Variants in MICAL3 observed in about 807,000 individuals in gnomAD.
MICAL3 encodes [F-actin]-monooxygenase MICAL3.
MICAL3 carries 62 observed loss-of-function variants against 207.4 expected under a neutral mutation model. The observed-to-expected ratio is 0.30, with a 90% CI of 0.24 to 0.37. The LOEUF (loss-of-function observed/expected upper bound fraction) is 0.37, where lower values mean the gene tolerates loss of function less well. MICAL3 is among the 10% of genes least tolerant of loss of function. The pLI is 1.00. For missense variants in MICAL3, 2,368 were observed against 2,635.6 expected (o/e 0.90, Z 2.22); for synonymous variants, 1,077 against 1,069.3 (o/e 1.01, Z -0.14).
intron 1 of MICAL3, among the ~76,000 whole-genome samples, chr22:17,963,849 T>A (rs1431379235): frequency 1.3e-5 from 2 of 152,194 alleles, no homozygotes; most frequent in Non-Finnish European, 2.9e-5. Flanking sequence ...GGAGCCGCTT[T>A]ACCCATCAGG....
intron 1 of MICAL3, among the ~76,000 whole-genome samples, chr22:17,923,581 C>T (rs939718123): frequency 3.3e-5 from 5 of 152,246 alleles, no homozygotes; most frequent in African/African-American, 1.2e-4. Context: ...GGCCCAGTGG[C>T]AGTCTCAGGT....
chr22:17,904,000 A>G (rs1336914174), intron 3 of MICAL3, among the ~76,000 whole-genome samples: 1 of 152,226 alleles, frequency 6.6e-6, no homozygotes, highest in Non-Finnish European at 1.5e-5. Context: ...ACTTGTATTC[A>G]TACCCTGTAG....
At chr22:17,926,519 C>T (rs978713060) in intron 1 of MICAL3, among the ~76,000 whole-genome samples, 15 of 152,220 alleles carry the variant, frequency 9.9e-5, no homozygotes, top group African/African-American at 3.6e-4. Flanking sequence ...CCCTGGACAT[C>T]TCCATCAGAA....
chr22:18,017,999 C>T (rs961551935), intron 1 of MICAL3, among the ~76,000 whole-genome samples: 1 of 152,126 alleles, frequency 6.6e-6, no homozygotes, highest in African/African-American at 2.4e-5. Context: ...ATCCACCTGC[C>T]TCGGCCTCCC....
At chr22:18,006,657 A>G (rs1602392996) in intron 1 of MICAL3, 1 of 152,192 alleles carries the variant, frequency 6.6e-6, no homozygotes, top group East Asian at 1.9e-4. Flanking sequence ...AACATGGAGA[A>G]ACCCCGTCTC....
In MICAL3 at chr22:17,846,356, C is replaced by T. The variant is rs779256668; in HGVS notation, c.2606-4339G>A. Reference sequence around the variant, plus strand: ...AACTCACCAACTGCCAAAATATGCTCCACATTCCCAGCCCTTCACCTCAAA... The same window carrying T: ...AACTCACCAACTGCCAAAATATGCTTCACATTCCCAGCCCTTCACCTCAAA... On this transcript the variant is annotated intron_variant, in intron 19 of 31. Transcript: ENST00000441493. Among the ~76,000 whole-genome samples the T allele has an allele frequency of 4.6e-5, 7 of 152,050 alleles. No individual in the cohort carries two copies. The East Asian group carries it at 7.7e-4, about 17-fold the overall frequency.
At chr22:17,870,434 T>TC (rs1460289603) in intron 17 of MICAL3, among the ~76,000 whole-genome samples, 1 of 152,176 alleles carries the variant, frequency 6.6e-6, no homozygotes, top group East Asian at 1.9e-4. Context: ...ATGGGTCTCA[T>TC]CCCCATAGGA....
At chr22:17,848,425 C>T (rs1924871793) in intron 19 of MICAL3, among the ~76,000 whole-genome samples, 1 of 152,328 alleles carries the variant, frequency 6.6e-6, no homozygotes, top group Middle Eastern at 3.4e-3. Flanking sequence ...CCATGTCTGG[C>T]CCAGACATTT....
intron 12 of MICAL3, among the ~76,000 whole-genome samples, chr22:17,890,867 G>A (rs933520574): frequency 2.6e-5 from 4 of 152,216 alleles, no homozygotes; most frequent in African/African-American, 9.6e-5. Context: ...CTGACCTGGG[G>A]TCACCCTAGA....
chr22:17,807,201 T>C (rs1392659832), intron 29 of MICAL3, among the ~76,000 whole-genome samples: 1 of 152,268 alleles, frequency 6.6e-6, no homozygotes, highest in Non-Finnish European at 1.5e-5. Flanking sequence ...TCTCTCCTGA[T>C]ATCTTCTGCA....
chr22:17,981,817 C>A (rs1399307356), intron 1 of MICAL3, among the ~76,000 whole-genome samples: 3 of 152,166 alleles, frequency 2.0e-5, no homozygotes, highest in Non-Finnish European at 4.4e-5. Context: ...CGGCAGTTAA[C>A]AACCAACTTG....
intron 1 of MICAL3, among the ~76,000 whole-genome samples, chr22:18,022,365 G>A (rs758129852): frequency 2.0e-5 from 3 of 152,066 alleles, no homozygotes; most frequent in Non-Finnish European, 2.9e-5. Context: ...ATAATTTCTA[G>A]GTGATCTTAT....
chr22:17,860,733 G>T (rs1205234749), intron 19 of MICAL3: 3 of 985,338 alleles, frequency 3.0e-6, no homozygotes, highest in East Asian at 1.1e-4. Flanking sequence ...TCTGCTCTTG[G>T]GGCCCTTTCT....
At position 17,807,097 on chromosome 22, in the gene MICAL3, TTCTG is replaced by T. The variant is rs1250636483; in HGVS notation, c.5650+1743_5650+1746del. Reference sequence around the variant, plus strand: ...GGGCTTAAACCATGAAATGCGGTTATTCTGTCTGTGTGTTGAGATCTAATCCACT... The same window carrying T: ...GGGCTTAAACCATGAAATGCGGTTATTCTGTGTGTTGAGATCTAATCCACT... On this transcript the variant is annotated intron_variant, in intron 29 of 31. Coordinates refer to ENST00000441493, the MANE Select transcript of MICAL3 (RefSeq NM_015241.3). Among the ~76,000 whole-genome samples, 10 of 152,360 alleles carry T rather than the reference TTCTG, an allele frequency of 6.6e-5. No homozygotes were observed. In the East Asian group the frequency reaches 7.7e-4, roughly 12 times the overall value.
intron 16 of MICAL3, among the ~76,000 whole-genome samples, chr22:17,878,044 A>G (rs4819643): frequency 0.17 from 26,038 of 152,004 alleles, 2,465 homozygotes; most frequent in East Asian, 0.27. Flanking sequence ...CAGTAGAGAC[A>G]GGTTTTCACT....
At chr22:17,954,594 T>C (rs1602284422) in intron 1 of MICAL3, among the ~76,000 whole-genome samples, 1 of 152,074 alleles carries the variant, frequency 6.6e-6, no homozygotes, top group East Asian at 1.9e-4. Context: ...TAGCAAAAGA[T>C]TCAAAAGGCT....
In MICAL3 at chr22:17,902,761, G is replaced by C; in HGVS notation, c.473-14C>G. The C allele has an allele frequency of 6.6e-7, 1 of 1,512,388 alleles. No homozygotes were observed. The highest frequency in any genetic ancestry group is 2.3e-5 in the East Asian group (1 of 43,160). The allele number at this position is 1,512,388 out of a possible 1,614,324, so 93.7% of individuals were successfully genotyped here. On this transcript the variant is annotated splice_polypyrimidine_tract_variant and intron_variant, in intron 3 of 31. Transcript: ENST00000441493. The surrounding 1 kb of genome is among the most constrained non-coding windows in gnomAD (Gnocchi z 4.5). Reference sequence around the variant, plus strand: ...GCTGACGGATACCTGGGAGAATACAGAGATGACGTTGATGGGAACACATGG... The same window carrying C: ...GCTGACGGATACCTGGGAGAATACACAGATGACGTTGATGGGAACACATGG...
intron 18 of MICAL3, 143 bp downstream of exon 18, chr22:17,865,781 G>C: frequency 1.5e-6 from 1 of 686,748 alleles, no homozygotes; most frequent in Admixed American, 2.1e-5. Context: ...CTCCACCCCG[G>C]ACTGCCACTG....
At chr22:17,907,321 G>A (rs1212456089) in intron 1 of MICAL3, among the ~76,000 whole-genome samples, 1 of 152,196 alleles carries the variant, frequency 6.6e-6, no homozygotes, top group Non-Finnish European at 1.5e-5. Flanking sequence ...ATGGGAAAGT[G>A]ACAAAGACAG....
Sources: allele counts gnomAD v4.1 joint callset (sites outside exome capture counted in the v4.1 genomes callset), GRCh38; gene constraint gnomAD v4.1.1; non-coding constraint Gnocchi (gnomAD v3.1); transcripts MANE v1.5; gene names NCBI Gene and HGNC (gene_info 2026-07-23, HGNC 2026-07-21).